SLC8A1: variants seen among roughly 807,000 people sequenced by gnomAD.
The protein encoded by SLC8A1 is solute carrier family 8 member A1.
A neutral mutation model predicts 68.3 loss-of-function variants in SLC8A1; 18 were observed. That is an observed-to-expected ratio of 0.26 (90% CI 0.18 to 0.39). The LOEUF (loss-of-function observed/expected upper bound fraction) is 0.39, where lower values mean the gene tolerates loss of function less well. Ranked by LOEUF, SLC8A1 falls within the 10% of genes least tolerant of loss-of-function variation. The probability of loss-of-function intolerance (pLI) is 1.00; values close to 1 mark genes in which losing one functional copy is unlikely to be tolerated. For missense variants in SLC8A1, 985 were observed against 1,156.7 expected, an observed-to-expected ratio of 0.85 and a Z score of 2.15; for synonymous variants, 475 against 415.5, an observed-to-expected ratio of 1.14 and a Z score of -1.74.
chr2:40,152,141 A>C (rs2043553188), intron 6 of SLC8A1, among the ~76,000 whole-genome samples: 2 of 152,200 alleles, frequency 1.3e-5, no homozygotes, highest in Admixed American at 1.3e-4. Flanking sequence ...TAGAGTCCTA[A>C]ATTTCTTTCT....
rs1259119732 is a variant in SLC8A1, at chr2:40,174,034, T to G, written c.1930+791A>C. On this transcript the variant is annotated intron_variant, in intron 4 of 7. Coordinates refer to ENST00000406785, the Ensembl canonical transcript of SLC8A1. ...ATTCTAAATTTAAATGTTTGAAACT[T>G]TTTAATTTTGACATTTTGAGTTTTT... Among the ~76,000 whole-genome samples, 6 of 152,276 alleles carry G rather than the reference T, an allele frequency of 3.9e-5. No homozygotes were observed. In the East Asian group the frequency reaches 1.2e-3, roughly 29 times the overall value.
chr2:40,253,383 C>A (rs2063319674), intron 2 of SLC8A1, among the ~76,000 whole-genome samples: 1 of 151,146 alleles, frequency 6.6e-6, no homozygotes, highest in South Asian at 2.1e-4. Context: ...AAAATAAAAT[C>A]CTGTCATTTG....
At position 40,428,477 on chromosome 2, in the gene SLC8A1, T is replaced by C. The variant is rs1229084471; in HGVS notation, c.1804A>G (p.Ile602Val). Residue 602 changes from isoleucine to valine, a missense_variant, in exon 2 of 8, where the codon ATT (isoleucine) becomes GTT (valine). Ile to Val is a conservative substitution (Grantham distance 29). This residue lies in a region of SLC8A1 where 584 missense variants were observed against 565.9 expected (regional missense o/e 1.03). Transcript: ENST00000406785. Reference sequence around the variant, plus strand: ...CATATATAATATAGAACTTACACAATTTCATCATTCTGGAATTCGAGCTCT... The same window carrying C: ...CATATATAATATAGAACTTACACAACTTCATCATTCTGGAATTCGAGCTCT... 1.9e-6 allele frequency: 3 copies of C among 1,584,928 alleles called. No homozygotes were observed. In the Admixed American group the frequency reaches 5.4e-5, roughly 28 times the overall value.
chr2:40,180,003 C>T (rs2049170394), intron 2 of SLC8A1, among the ~76,000 whole-genome samples: 1 of 152,074 alleles, frequency 6.6e-6, no homozygotes, highest in Non-Finnish European at 1.5e-5. Context: ...TCCAATTTCT[C>T]ACTCCTAAAA....
chr2:40,183,956 G>A (rs142304442), intron 2 of SLC8A1, among the ~76,000 whole-genome samples: 3 of 152,066 alleles, frequency 2.0e-5, no homozygotes, highest in Non-Finnish European at 4.4e-5. Flanking sequence ...AGGAGTTTTA[G>A]AGCAGCCTGG....
At chr2:40,170,306 A>C (rs1411671440) in intron 4 of SLC8A1, 1 of 1,614,126 alleles carries the variant, frequency 6.2e-7, no homozygotes, top group African/African-American at 1.3e-5. Flanking sequence ...CAGTAGAGAG[A>C]ATCGGATGTT....
intron 2 of SLC8A1, among the ~76,000 whole-genome samples, chr2:40,297,317 G>T (rs993692019): frequency 4.6e-5 from 7 of 152,128 alleles, no homozygotes; most frequent in African/African-American, 1.7e-4. Context: ...TCCTAGCTAT[G>T]CCACTTTCTT....
intron 1 of SLC8A1, among the ~76,000 whole-genome samples, chr2:40,505,446 A>G (rs1348852997): frequency 6.6e-6 from 1 of 151,910 alleles, no homozygotes; most frequent in Non-Finnish European, 1.5e-5. Context: ...CAAACATCTC[A>G]TGTACCCCAT....
At chr2:40,334,888 G>T (rs1665434634) in intron 2 of SLC8A1, among the ~76,000 whole-genome samples, 1 of 152,176 alleles carries the variant, frequency 6.6e-6, no homozygotes, top group Non-Finnish European at 1.5e-5. Flanking sequence ...TCAGCCTTTA[G>T]GGGGTGAGGG....
chr2:40,353,802 T>C (rs1671851961), intron 2 of SLC8A1, among the ~76,000 whole-genome samples: 1 of 152,208 alleles, frequency 6.6e-6, no homozygotes, highest in Non-Finnish European at 1.5e-5. Context: ...CGAAGCGCTC[T>C]ACCATCCTTC....
At chr2:40,182,747 G>T (rs1234654029) in intron 2 of SLC8A1, among the ~76,000 whole-genome samples, 1 of 152,168 alleles carries the variant, frequency 6.6e-6, no homozygotes, top group Non-Finnish European at 1.5e-5. Flanking sequence ...CTTTATTAAT[G>T]AGGGTTGAAA....
intron 2 of SLC8A1, among the ~76,000 whole-genome samples, chr2:40,207,542 G>C (rs1315859660): frequency 6.6e-6 from 1 of 151,882 alleles, no homozygotes; most frequent in Admixed American, 6.6e-5. Flanking sequence ...TTTTAACCTT[G>C]GGTTTTCAAT....
intron 2 of SLC8A1, among the ~76,000 whole-genome samples, chr2:40,283,770 G>T (rs1027332662): frequency 9.9e-5 from 15 of 152,206 alleles, no homozygotes; most frequent in African/African-American, 3.6e-4. Flanking sequence ...CTATATCCTT[G>T]ACAGCGTTCC....
chr2:40,258,088 GTGT>G (rs1320642493), intron 2 of SLC8A1, among the ~76,000 whole-genome samples: 1 of 152,142 alleles, frequency 6.6e-6, no homozygotes, highest in Non-Finnish European at 1.5e-5. Flanking sequence ...CAAACATTTT[GTGT>G]TATTATCCCC....
chr2:40,218,745 T>TA (rs2057873546), intron 2 of SLC8A1, among the ~76,000 whole-genome samples: 1 of 151,450 alleles, frequency 6.6e-6, no homozygotes, highest in African/African-American at 2.4e-5. Context: ...AAAAACTAAT[T>TA]AACATCCTTG....
intron 2 of SLC8A1, among the ~76,000 whole-genome samples, chr2:40,385,573 GA>G (rs1307095276): frequency 3.3e-5 from 5 of 150,778 alleles, no homozygotes; most frequent in Non-Finnish European, 5.9e-5. Flanking sequence ...TATCAACAAG[GA>G]AAAAAATGTA....
intron 3 of SLC8A1, 121 bp from the exon 5 acceptor site, chr2:40,174,963 G>A (rs1558625256): frequency 3.3e-6 from 3 of 901,498 alleles, no homozygotes; most frequent in Non-Finnish European, 5.3e-6. Context: ...TTACAATTAA[G>A]AAGACTAGGA....
chr2:40,271,830 C>A (rs1175726448), intron 2 of SLC8A1, among the ~76,000 whole-genome samples: 3 of 152,052 alleles, frequency 2.0e-5, no homozygotes, highest in Admixed American at 1.3e-4. Flanking sequence ...CCGGAGTCAA[C>A]TTTTACTGAT....
chr2:40,331,686 C>T (rs903071171), intron 2 of SLC8A1, among the ~76,000 whole-genome samples: 3 of 151,892 alleles, frequency 2.0e-5, no homozygotes, highest in Non-Finnish European at 4.4e-5. Flanking sequence ...CTCTGCCTCC[C>T]GGGTTCAAGC....
Sources: allele counts gnomAD v4.1 joint callset (sites outside exome capture counted in the v4.1 genomes callset), GRCh38; gene constraint gnomAD v4.1.1; regional missense constraint gnomAD v4.1.1; transcripts MANE v1.5; gene names NCBI Gene and HGNC (gene_info 2026-07-23, HGNC 2026-07-21).